Variants in ALDH1L2 observed in about 807,000 individuals in gnomAD.
ALDH1L2 encodes mitochondrial 10-formyltetrahydrofolate dehydrogenase.
ALDH1L2 carries 91 observed loss-of-function variants against 111.0 expected under a neutral mutation model. That is an observed-to-expected ratio of 0.82 (90% CI 0.69 to 0.98). ALDH1L2 has a LOEUF of 0.98. Ranked by LOEUF, ALDH1L2 falls within the 50% of genes least tolerant of loss-of-function variation. The probability of loss-of-function intolerance (pLI) is 0.00; values close to 1 mark genes in which losing one functional copy is unlikely to be tolerated. For synonymous variants in ALDH1L2, 374 were observed against 392.6 expected (o/e 0.95, Z 0.56); for missense variants, 995 against 1,126.8 (o/e 0.88, Z 1.67).
At position 105,021,685 on chromosome 12, in the gene ALDH1L2, T is replaced by C. The variant is rs530421898; in HGVS notation, c.*2739A>G. On this transcript the variant is annotated 3_prime_UTR_variant, in exon 23 of 23. Coordinates refer to ENST00000258494, the MANE Select transcript of ALDH1L2 (RefSeq NM_001034173.4). The stretch of plus-strand genomic sequence containing the variant: ...GAGATTGTGAAGATTAAATAACATT[T>C]AAAACATGCTTAGCCTAAGGTCTTT... 1.3e-5 allele frequency: 2 copies of C among 152,286 alleles called. No homozygotes were observed. The highest frequency in any genetic ancestry group is 3.9e-4 in the East Asian group (2 of 5,180). The allele number at this position is 152,286 out of a possible 1,614,324, so 9.4% of individuals were successfully genotyped here. A position where few individuals can be genotyped will look rare whatever the true frequency, so the allele number is the denominator to read the frequency against.
chr12:105,068,866 A>G lies in ALDH1L2; in HGVS notation c.447T>C (p.Asp149=), dbSNP rs1247309492. The G allele has an allele frequency of 6.3e-7, 1 of 1,579,882 alleles. No homozygotes were observed. Among genetic ancestry groups the G allele is most frequent in the Non-Finnish European group, 8.6e-7 (1 of 1,167,724 alleles). Reference sequence around the variant, plus strand: ...AGAAAACAGAAAACCCAGCTTTCTTATCTCCCATAATTAGAGTCCTGTGAA... The same window carrying G: ...AGAAAACAGAAAACCCAGCTTTCTTGTCTCCCATAATTAGAGTCCTGTGAA... ...SAINWTLIMG[D]KKAGFSVFWA... is the part of the protein sequence containing the mutation. The change falls in exon 4 of 23, where the codon GAT becomes GAC. Residue 149 remains aspartate (D), a synonymous_variant. Transcript: ENST00000258494.
In ALDH1L2 at chr12:105,046,988, T is replaced by C. The variant is rs765614959; in HGVS notation, c.1687-19A>G. On this transcript the variant is annotated intron_variant, in intron 13 of 22. Coordinates refer to ENST00000258494, the MANE Select transcript of ALDH1L2 (RefSeq NM_001034173.4). ...TAGAACCCTAAAGAATGAGAAAAGT[T>C]GATACTTATTTTACTAATTTAAATA... is the stretch of plus-strand genomic sequence containing the variant. 55 of 1,608,866 alleles carry C rather than the reference T, an allele frequency of 3.4e-5. 2 individuals carry two copies. The South Asian group carries it at 4.4e-4, about 13-fold the overall frequency.
chr12:105,057,043 A>T (rs1028069529), intron 10 of ALDH1L2, among the ~76,000 whole-genome samples: 1 of 151,688 alleles, frequency 6.6e-6, no homozygotes, highest in African/African-American at 2.4e-5. Context: ...AAAATATACG[A>T]AGGACGCTTA....
At chr12:105,072,995 C>T (rs566322406) in intron 2 of ALDH1L2, among the ~76,000 whole-genome samples, 5 of 152,164 alleles carry the variant, frequency 3.3e-5, no homozygotes, top group African/African-American at 1.2e-4. Flanking sequence ...AAGTACTCTG[C>T]TGAGACAGGC....
intron 10 of ALDH1L2, among the ~76,000 whole-genome samples, chr12:105,054,483 A>G (rs189396690): frequency 1.3e-5 from 2 of 152,368 alleles, no homozygotes; most frequent in African/African-American, 4.8e-5. Flanking sequence ...TAACTGCCTT[A>G]TTCCCATCTT....
chr12:105,032,044 C>A, intron 19 of ALDH1L2, 110 bp from the exon 20 acceptor site: 8 of 1,091,244 alleles, frequency 7.3e-6, no homozygotes, highest in Non-Finnish European at 7.7e-6. Context: ...GTCATTTAGT[C>A]TTTACAATAG....
At chr12:105,036,777 A>C (rs892429643) in intron 18 of ALDH1L2, among the ~76,000 whole-genome samples, 1 of 151,588 alleles carries the variant, frequency 6.6e-6, no homozygotes, top group Non-Finnish European at 1.5e-5. Context: ...AAATATGTTG[A>C]CTGTCTTGGG....
At chr12:105,051,793 T>TC (rs1876285166) in intron 12 of ALDH1L2, among the ~76,000 whole-genome samples, 2 of 150,366 alleles carry the variant, frequency 1.3e-5, no homozygotes, top group African/African-American at 2.4e-5. Context: ...TTTTTTTCCT[T>TC]TTTTTTTTTG....
At chr12:105,036,514 TTATATATATATATATATATATATA>T (rs1182802302) in intron 18 of ALDH1L2, among the ~76,000 whole-genome samples, 372 of 23,660 alleles carry the variant, frequency 0.016, 58 homozygotes, top group Middle Eastern at 0.071. Context: ...TATATATATT[TTATATATATATATATATATATATA>T]TATATATATA....
chr12:105,065,208 A>C, intron 6 of ALDH1L2, 59 bp downstream of exon 6: 2 of 966,422 alleles, frequency 2.1e-6, no homozygotes, highest in Non-Finnish European at 3.0e-6. Context: ...TATCTGTAAT[A>C]TCTCTTACAA....
rs770626237 is a variant in ALDH1L2 at position 105,084,424 on chromosome 12, C to T, written c.13G>A (p.Gly5Ser). Residue 5 changes from glycine to serine, a missense_variant, in exon 1 of 23, where the codon GGC (glycine) becomes AGC (serine). By Grantham distance (56) the Gly-to-Ser change is moderately conservative. Transcript: ENST00000258494. The part of the protein sequence containing the change: MLRR[G>S]SQALRRFSTG... ...GAGAAGCGCCGGAGCGCCTGGCTGC[C>T]CCGCCGCAGCATGCTGGAGAGGAGC... 4 of 1,496,462 alleles carry T rather than the reference C, an allele frequency of 2.7e-6. No homozygotes were observed. In the South Asian group the frequency reaches 5.0e-5, roughly 19 times the overall value. The allele number at this position is 1,496,462 out of a possible 1,614,324, so 92.7% of individuals were successfully genotyped here.
intron 4 of ALDH1L2, among the ~76,000 whole-genome samples, chr12:105,067,215 CAAAA>C (rs11334156): frequency 4.1e-5 from 4 of 97,244 alleles, no homozygotes; most frequent in Admixed American, 1.1e-4. Context: ...GACTCTGTCT[CAAAA>C]AAAAAAAAAA....
At chr12:105,059,028 G>A (rs1055452690) in intron 9 of ALDH1L2, among the ~76,000 whole-genome samples, 1 of 151,928 alleles carries the variant, frequency 6.6e-6, no homozygotes, top group Non-Finnish European at 1.5e-5. Context: ...CAACACTTTG[G>A]GAGGCCGAGG....
chr12:105,052,756 G>T (rs775561403), intron 11 of ALDH1L2, 56 bp downstream of exon 11: 4 of 1,605,776 alleles, frequency 2.5e-6, no homozygotes, highest in Non-Finnish European at 3.4e-6. Flanking sequence ...TTACAATGGT[G>T]TATTAACTAA....
chr12:105,051,968 G>A, intron 12 of ALDH1L2, 122 bp downstream of exon 12: 1 of 905,536 alleles, frequency 1.1e-6, no homozygotes, highest in Non-Finnish European at 1.5e-6. Flanking sequence ...AGCACTTTGG[G>A]AGGCTGAGGC....
In ALDH1L2 at chr12:105,065,333, T is replaced by A; in HGVS notation, c.720A>T (p.Glu240Asp). ...GACCTCGAATCCAGTTATGTAAAAC[T>A]TCGGCAGACTGGTCCCAAGAAATCT... Reference protein sequence around the residue: ...NAEISWDQSAEVLHNWIRGHD... With the variant: ...NAEISWDQSADVLHNWIRGHD... The change falls in exon 6 of 23, where the codon GAA becomes GAT. Residue 240 changes from glutamate (E) to aspartate (D), a missense_variant. Transcript: ENST00000258494. 1 of 1,611,968 alleles carries A rather than the reference T, an allele frequency of 6.2e-7. No homozygotes were observed.
chr12:105,081,119 C>A (rs1035277707), intron 1 of ALDH1L2, among the ~76,000 whole-genome samples: 3 of 152,072 alleles, frequency 2.0e-5, no homozygotes, highest in African/African-American at 4.8e-5. Flanking sequence ...ACAAATATTA[C>A]CCGTTTTATA....
chr12:105,048,791 G>A (rs1269267213), intron 13 of ALDH1L2: 3 of 152,110 alleles, frequency 2.0e-5, no homozygotes, highest in African/African-American at 4.8e-5. Flanking sequence ...AGCACTTTGG[G>A]AGGCCAAGGC....
chr12:105,040,148 A>AAAC (rs1875444615), intron 16 of ALDH1L2, among the ~76,000 whole-genome samples: 1 of 135,280 alleles, frequency 7.4e-6, no homozygotes, highest in Non-Finnish European at 1.7e-5. Context: ...AAAAAAAAAA[A>AAAC]AAAACCTTAC....
Sources: allele counts gnomAD v4.1 joint callset (sites outside exome capture counted in the v4.1 genomes callset), GRCh38; gene constraint gnomAD v4.1.1; transcripts MANE v1.5; gene names NCBI Gene and HGNC (gene_info 2026-07-23, HGNC 2026-07-21).